The following OAS1 variants were observed in gnomAD, a reference collection of about 807,000 sequenced individuals.
OAS1 encodes the protein 2'-5'-oligoadenylate synthase 1.
A neutral mutation model predicts 38.5 loss-of-function variants in OAS1; 24 were observed. The observed-to-expected ratio is 0.62, with a 90% confidence interval of 0.45 to 0.88. OAS1 has a LOEUF of 0.88. Among genes scored for constraint, OAS1 ranks in the 40% least tolerant of loss-of-function variants. The probability of loss-of-function intolerance (pLI) is 0.00; values close to 1 mark genes in which losing one functional copy is unlikely to be tolerated. For missense variants in OAS1, 482 were observed against 493.9 expected (o/e 0.98, Z 0.23); for synonymous variants, 169 against 193.9 (o/e 0.87, Z 1.07).
intron 6 of OAS1, among the ~76,000 whole-genome samples, chr12:112,928,649 G>A (rs762980489): frequency 9.2e-5 from 14 of 152,348 alleles, no homozygotes; most frequent in East Asian, 3.9e-4. Flanking sequence ...AAGCACAAGC[G>A]AGTAAACAGA....
At chr12:112,917,060 G>A (rs771288737) in intron 4 of OAS1, 2 of 356,702 alleles carry the variant, frequency 5.6e-6, no homozygotes, top group Non-Finnish European at 1.0e-5. Flanking sequence ...AACAATGATA[G>A]TAATTGCTCC....
downstream of OAS1, among the ~76,000 whole-genome samples, chr12:112,923,359 C>T (rs1331434319): frequency 1.3e-5 from 2 of 152,200 alleles, no homozygotes; most frequent in African/African-American, 2.4e-5. Flanking sequence ...CCTCCACATC[C>T]TCACACTTGT....
downstream of OAS1, chr12:112,919,964 G>A: frequency 2.4e-6 from 1 of 422,408 alleles, no homozygotes. Flanking sequence ...CATATCTAGG[G>A]GTATTGTGTG....
At chr12:112,926,497 G>A (rs2043558915) in intron 6 of OAS1, among the ~76,000 whole-genome samples, 1 of 152,148 alleles carries the variant, frequency 6.6e-6, no homozygotes, top group South Asian at 2.1e-4. Context: ...GACATCACAT[G>A]TCGGCAGGTT....
At chr12:112,912,420 C>G (rs1426229288) in intron 3 of OAS1, among the ~76,000 whole-genome samples, 1 of 152,126 alleles carries the variant, frequency 6.6e-6, no homozygotes, top group East Asian at 1.9e-4. Flanking sequence ...AATAGGCATT[C>G]AATGTATATT....
chr12:112,912,254 C>G (rs574328969), intron 3 of OAS1, among the ~76,000 whole-genome samples: 14 of 152,202 alleles, frequency 9.2e-5, no homozygotes, highest in African/African-American at 2.9e-4. Context: ...GTGGGAGGAT[C>G]GCTTGAGCCT....
At chr12:112,929,757 T>C (rs2043586301) in intron 6 of OAS1, among the ~76,000 whole-genome samples, 1 of 152,110 alleles carries the variant, frequency 6.6e-6, no homozygotes, top group Admixed American at 6.5e-5. Flanking sequence ...TCCTTTTTTA[T>C]GATAATAAGG....
At chr12:112,930,973 T>C (rs1481571162) in intron 6 of OAS1, among the ~76,000 whole-genome samples, 1 of 152,214 alleles carries the variant, frequency 6.6e-6, no homozygotes, top group Non-Finnish European at 1.5e-5. Context: ...CAGGAAAATA[T>C]GATGGTTGGC....
chr12:112,925,312 C>T (rs1593166491), intron 6 of OAS1, among the ~76,000 whole-genome samples: 2 of 152,100 alleles, frequency 1.3e-5, no homozygotes, highest in Admixed American at 6.5e-5. Flanking sequence ...CATACAAATC[C>T]CCTCCTTGCA....
intron 3 of OAS1, among the ~76,000 whole-genome samples, chr12:112,912,784 T>C (rs1306184061): frequency 1.3e-5 from 2 of 152,262 alleles, no homozygotes; most frequent in Non-Finnish European, 2.9e-5. Flanking sequence ...CTTTCTTTCT[T>C]GATGCTGTTC....
intron 3 of OAS1, 151 bp downstream of exon 3, chr12:112,911,386 G>C: frequency 1.6e-6 from 1 of 615,938 alleles, no homozygotes; most frequent in Non-Finnish European, 2.7e-6. Context: ...AGGAAAAAGA[G>C]GTGGAGAGAG....
intron 3 of OAS1, among the ~76,000 whole-genome samples, chr12:112,912,605 CA>C (rs2043400647): frequency 6.6e-6 from 1 of 152,114 alleles, no homozygotes; most frequent in Non-Finnish European, 1.5e-5. Flanking sequence ...CAGTTCCTGA[CA>C]AAAGCAGCAC....
At chr12:112,907,835 T>C (rs2136293094) in intron 1 of OAS1, 1 of 152,600 alleles carries the variant, frequency 6.6e-6, no homozygotes, top group South Asian at 2.1e-4. Context: ...AGAAGAAAGC[T>C]GTCTCCACTG....
At chr12:112,928,194 T>A (rs1412850239) in intron 6 of OAS1, among the ~76,000 whole-genome samples, 1 of 152,206 alleles carries the variant, frequency 6.6e-6, no homozygotes, top group Non-Finnish European at 1.5e-5. Flanking sequence ...ATTTGAATGT[T>A]CAGTCCTTGA....
In OAS1 at chr12:112,908,758, G is replaced by C; in HGVS notation, c.403G>C (p.Val135Leu). Reference sequence around the variant, plus strand: ...GGGCAACCCCCGTGCGCTCAGCTTCGTACTGAGTTCGCTCCAGCTCGGGGA... The same window carrying C: ...GGGCAACCCCCGTGCGCTCAGCTTCCTACTGAGTTCGCTCCAGCTCGGGGA... Reference protein sequence around the residue: ...RWGNPRALSFVLSSLQLGEGV... With the variant: ...RWGNPRALSFLLSSLQLGEGV... The change falls in exon 2 of 6, where the codon GTA (valine) becomes CTA (leucine). Residue 135 changes from valine to leucine, a missense_variant. By Grantham distance (32) the Val-to-Leu change is conservative. Transcript: ENST00000202917. 6.2e-7 allele frequency: 1 copy of C among 1,613,504 alleles called. No homozygotes were observed. Among genetic ancestry groups the C allele is most frequent in the Non-Finnish European group, 8.5e-7 (1 of 1,179,454 alleles).
intron 6 of OAS1, among the ~76,000 whole-genome samples, chr12:112,927,023 G>A (rs1052636224): frequency 6.6e-6 from 1 of 152,204 alleles, no homozygotes; most frequent in Non-Finnish European, 1.5e-5. Flanking sequence ...TGGCTCCCAG[G>A]CAGTCAGACC....
At chr12:112,909,170 C>A (rs535898475) in intron 2 of OAS1, among the ~76,000 whole-genome samples, 29 of 152,324 alleles carry the variant, frequency 1.9e-4, no homozygotes, top group African/African-American at 7.0e-4. Flanking sequence ...CATGAGATCT[C>A]ATCAAACGTA....
chr12:112,916,844 A>T (rs2043467657), intron 4 of OAS1, 106 bp downstream of exon 4: 1 of 828,574 alleles, frequency 1.2e-6, no homozygotes, highest in Non-Finnish European at 2.0e-6. Flanking sequence ...ACTTAGTGAG[A>T]ATCTCCTGTT....
chr12:112,908,390 C>G lies in OAS1; in HGVS notation c.181-146C>G, dbSNP rs535059242. 8.6e-6 allele frequency: 6 copies of G among 694,060 alleles called. No homozygotes were observed. The African/African-American group carries it at 9.0e-5, about 10-fold the overall frequency. The allele number at this position is 694,060 out of a possible 1,614,324, so 43.0% of individuals were successfully genotyped here. Reference sequence around the variant, plus strand: ...GATAATGGCATCCAAATCATAGCATCATTGTGAGCATTATAGGAGTTTAAG... The same window carrying G: ...GATAATGGCATCCAAATCATAGCATGATTGTGAGCATTATAGGAGTTTAAG... On this transcript the variant is annotated intron_variant, in intron 1 of 5. Coordinates refer to ENST00000202917, the MANE Select transcript of OAS1 (RefSeq NM_016816.4).
Sources: allele counts gnomAD v4.1 joint callset (sites outside exome capture counted in the v4.1 genomes callset), GRCh38; gene constraint gnomAD v4.1.1; transcripts MANE v1.5; gene names NCBI Gene and HGNC (gene_info 2026-07-23, HGNC 2026-07-21).